Variants in GALM observed in about 807,000 individuals in gnomAD.
GALM encodes aldose 1-epimerase.
GALM carries 43 observed loss-of-function variants against 37.4 expected under a neutral mutation model. The ratio of observed to expected loss-of-function variants is 1.15; its 90% confidence interval spans 0.90 to 1.48. The LOEUF (loss-of-function observed/expected upper bound fraction) is 1.48. Ranked by LOEUF, GALM falls within the 40% of genes most tolerant of loss-of-function variation. The pLI is 0.00. For synonymous variants in GALM, 199 were observed against 170.6 expected, an observed-to-expected ratio of 1.17 and a Z score of -1.30; for missense variants, 456 against 419.1, an observed-to-expected ratio of 1.09 and a Z score of -0.77.
chr2:38,729,420 C>T (rs1242982874), intron 4 of GALM, 136 bp from the exon 5 acceptor site: 2 of 517,328 alleles, frequency 3.9e-6, no homozygotes, highest in African/African-American at 2.0e-5. Flanking sequence ...GCATGTTTCC[C>T]AGGATCTGGG....
Position 38,681,357 on chromosome 2 carries a change from C to A in GALM, c.423C>A (p.Pro141=), listed in dbSNP as rs377468056. 5.0e-6 allele frequency: 8 copies of A among 1,613,934 alleles called. No individual in the cohort carries two copies. Among genetic ancestry groups the A allele is most frequent in the Middle Eastern group, 3.3e-4 (2 of 6,048 alleles). ...RISPDGEEGY[P]GELKVWVTYT... is the part of the protein sequence containing the mutation. ...GTCCAGATGGTGAAGAAGGCTACCC[C>A]GGAGAGTTAAAAGTCTGGGTGACAT... is the stretch of plus-strand genomic sequence containing the variant. Residue 141 remains proline, a synonymous_variant, in exon 3 of 7, where the codon CCC becomes CCA. Coordinates refer to ENST00000272252, the MANE Select transcript of GALM (RefSeq NM_138801.3).
intron 4 of GALM, among the ~76,000 whole-genome samples, chr2:38,717,892 T>G (rs113016544): frequency 6.6e-6 from 1 of 151,862 alleles, no homozygotes; most frequent in African/African-American, 2.4e-5. Context: ...TGGAGTGCAG[T>G]GGCACAATCA....
At chr2:38,724,139 G>C (rs1666438484) in intron 4 of GALM, among the ~76,000 whole-genome samples, 1 of 152,144 alleles carries the variant, frequency 6.6e-6, no homozygotes, top group Admixed American at 6.6e-5. Flanking sequence ...GACTGGTCTT[G>C]AACTCCTGGC....
rs552077048 is a variant in GALM at position 38,722,466 on chromosome 2, C to T, written c.635-7090C>T. On this transcript the variant is annotated intron_variant, in intron 4 of 6. Coordinates refer to ENST00000272252, the MANE Select transcript of GALM (RefSeq NM_138801.3). ...TAACCCTAGATTGTTGGGTCAGAGC[C>T]CCTCATCTGCCAGGCACTGCTGCCC... Among the ~76,000 whole-genome samples, 3 of 152,256 alleles carry T rather than the reference C, an allele frequency of 2.0e-5. No homozygotes were observed. In the South Asian group the frequency reaches 6.2e-4, roughly 32 times the overall value.
intron 4 of GALM, among the ~76,000 whole-genome samples, chr2:38,714,833 A>G (rs773771919): frequency 2.0e-5 from 3 of 152,244 alleles, no homozygotes; most frequent in Non-Finnish European, 4.4e-5. Context: ...ATAGTCAACT[A>G]GCATTGGAAA....
chr2:38,675,839 G>A, intron 1 of GALM, 73 bp from the exon 2 acceptor site: 1 of 1,434,780 alleles, frequency 7.0e-7, no homozygotes, highest in Non-Finnish European at 9.8e-7. Context: ...ATAGTGCTGG[G>A]ATTACAGGTG....
chr2:38,668,813 A>T (rs1394971676), intron 1 of GALM: 1 of 151,808 alleles, frequency 6.6e-6, no homozygotes. Context: ...ATTTAAAAAA[A>T]ATTTTTTTAA....
In GALM at chr2:38,676,060, T is replaced by A; in HGVS notation, c.339T>A (p.Phe113Leu). The A allele has an allele frequency of 1.9e-6, 3 of 1,613,938 alleles. No individual in the cohort carries two copies. The South Asian group carries it at 3.3e-5, about 18-fold the overall frequency. Reference protein sequence around the residue: ...PNSLHGGVRGFDKVLWTPRVL... With the variant: ...PNSLHGGVRGLDKVLWTPRVL... ...GTCTGCATGGAGGAGTCAGAGGGTTTGATAAAGTAAGTACGGCACATGTGA... is the reference window on the plus strand; with the variant it reads ...GTCTGCATGGAGGAGTCAGAGGGTTAGATAAAGTAAGTACGGCACATGTGA... The change falls in exon 2 of 7, where the codon TTT becomes TTA. Residue 113 changes from phenylalanine to leucine, a missense_variant. By Grantham distance (22) the Phe-to-Leu change is conservative. Coordinates refer to ENST00000272252, the MANE Select transcript of GALM (RefSeq NM_138801.3).
chr2:38,683,403 G>C (rs947103466), intron 3 of GALM, among the ~76,000 whole-genome samples: 6 of 152,086 alleles, frequency 3.9e-5, no homozygotes, highest in Non-Finnish European at 4.4e-5. Flanking sequence ...AAATGTTTTG[G>C]ATTTTGGAGA....
intron 4 of GALM, among the ~76,000 whole-genome samples, chr2:38,708,137 T>C (rs1438815617): frequency 6.7e-6 from 1 of 148,842 alleles, no homozygotes; most frequent in Admixed American, 6.7e-5. Flanking sequence ...TAAAATAAAA[T>C]AAAATAAAAT....
chr2:38,667,691 G>C (rs962874875), intron 1 of GALM, among the ~76,000 whole-genome samples: 12 of 151,758 alleles, frequency 7.9e-5, no homozygotes, highest in Non-Finnish European at 1.8e-4. Flanking sequence ...TCACCATGTT[G>C]GCCAGGCTGC....
intron 2 of GALM, among the ~76,000 whole-genome samples, chr2:38,677,367 G>A (rs556246221): frequency 6.6e-6 from 1 of 152,244 alleles, no homozygotes; most frequent in South Asian, 2.1e-4. Context: ...GCAGAAGGAG[G>A]CTTCCCCGCC....
chr2:38,682,450 T>C (rs1424115003), intron 3 of GALM, among the ~76,000 whole-genome samples: 5 of 152,202 alleles, frequency 3.3e-5, no homozygotes, highest in Non-Finnish European at 7.3e-5. Flanking sequence ...TTCAGGAGTT[T>C]GCTGATGATC....
intron 4 of GALM, among the ~76,000 whole-genome samples, chr2:38,702,266 G>A (rs1665935033): frequency 6.6e-6 from 1 of 151,728 alleles, no homozygotes; most frequent in African/African-American, 2.4e-5. Flanking sequence ...TAATCTCCAG[G>A]TTAATAAACC....
intron 6 of GALM, among the ~76,000 whole-genome samples, chr2:38,733,216 A>G (rs1344592584): frequency 1.6e-5 from 1 of 63,618 alleles, no homozygotes; most frequent in Non-Finnish European, 3.2e-5. Flanking sequence ...GCAAGACTCC[A>G]TCTCAAAAAA....
intron 4 of GALM, among the ~76,000 whole-genome samples, chr2:38,698,892 T>C (rs1471558564): frequency 6.6e-6 from 1 of 152,154 alleles, no homozygotes; most frequent in East Asian, 1.9e-4. Flanking sequence ...ATTACAGGCA[T>C]GAGCCACTGT....
chr2:38,684,818 A>AAAAC (rs767068085), intron 3 of GALM, among the ~76,000 whole-genome samples: 1 of 151,574 alleles, frequency 6.6e-6, no homozygotes, highest in Admixed American at 6.6e-5. Flanking sequence ...ATAAACAATA[A>AAAAC]AAACAAACAA....
intron 4 of GALM, among the ~76,000 whole-genome samples, chr2:38,707,374 C>G (rs1214489396): frequency 6.6e-6 from 1 of 152,110 alleles, no homozygotes; most frequent in African/African-American, 2.4e-5. Context: ...TAGGAAACAA[C>G]CACCAATATT....
At chr2:38,703,463 T>C (rs1316242585) in intron 4 of GALM, among the ~76,000 whole-genome samples, 1 of 151,800 alleles carries the variant, frequency 6.6e-6, no homozygotes, top group Admixed American at 6.6e-5. Flanking sequence ...AAAACCAAGA[T>C]ATAGGTCTCC....
Sources: gnomAD v4.1 joint callset for allele counts (sites outside exome capture counted in the v4.1 genomes callset) on GRCh38, gnomAD v4.1.1 for gene constraint, MANE v1.5 for transcripts, NCBI Gene and HGNC (gene_info 2026-07-23, HGNC 2026-07-21) for gene names.